The following RP1 variants were observed in gnomAD, a reference collection of about 807,000 sequenced individuals.
RP1 encodes oxygen-regulated protein 1.
A neutral mutation model predicts 14.8 loss-of-function variants in RP1; 16 were observed. The observed-to-expected ratio is 1.08, with a 90% CI of 0.73 to 1.65. RP1 has a LOEUF of 1.65. RP1 is among the 40% of genes most tolerant of loss of function. The probability of loss-of-function intolerance (pLI) is 0.00; values close to 1 mark genes in which losing one functional copy is unlikely to be tolerated. For synonymous variants in RP1, 876 were observed against 883.6 expected (o/e 0.99, Z 0.15); for missense variants, 2,631 against 2,535.0 (o/e 1.04, Z -0.81).
chr8:54,610,919 G>C (rs1805574802), intron 1 of RP1, among the ~76,000 whole-genome samples: 1 of 152,140 alleles, frequency 6.6e-6, no homozygotes, highest in South Asian at 2.1e-4. Context: ...TTGAGGAGCA[G>C]GTCTATTGGT....
intron 23 of RP1, among the ~76,000 whole-genome samples, chr8:54,776,461 A>G (rs142450866): frequency 7.8e-4 from 119 of 152,326 alleles, no homozygotes; most frequent in African/African-American, 2.7e-3. Context: ...GGGATTACAG[A>G]TGTGAGCTAC....
intron 24 of RP1, among the ~76,000 whole-genome samples, chr8:54,831,869 T>A (rs1443541988): frequency 1.3e-5 from 2 of 151,814 alleles, no homozygotes; most frequent in Admixed American, 6.6e-5. Flanking sequence ...TAGCTTTTTT[T>A]AATGAAAAGA....
At chr8:54,671,678 C>T (rs1807184672) in intron 7 of RP1, among the ~76,000 whole-genome samples, 1 of 151,924 alleles carries the variant, frequency 6.6e-6, no homozygotes, top group South Asian at 2.1e-4. Flanking sequence ...CTGTTTTGTT[C>T]TTTCTTATAG....
intron 24 of RP1, among the ~76,000 whole-genome samples, chr8:54,819,435 A>G (rs977890158): frequency 6.6e-6 from 1 of 152,082 alleles, no homozygotes; most frequent in Non-Finnish European, 1.5e-5. Context: ...GAAAGGTCAC[A>G]TATCTCTGTC....
intron 23 of RP1, among the ~76,000 whole-genome samples, chr8:54,777,102 A>T (rs1810061206): frequency 6.6e-6 from 1 of 152,230 alleles, no homozygotes; most frequent in South Asian, 2.1e-4. Context: ...AAATGTAGGT[A>T]ATAGTAGAAA....
upstream of RP1, among the ~76,000 whole-genome samples, chr8:54,613,900 T>C (rs567975871): frequency 2.6e-5 from 4 of 152,332 alleles, no homozygotes; most frequent in South Asian, 2.1e-4. Context: ...TTTTGAGGCA[T>C]GCTAGGGCAT....
chr8:54,772,364 T>TA (rs1183709739), downstream of RP1, among the ~76,000 whole-genome samples: 1 of 151,914 alleles, frequency 6.6e-6, no homozygotes, highest in Non-Finnish European at 1.5e-5. Flanking sequence ...AATTATATAA[T>TA]AAAAAATAAG....
chr8:54,840,421 T>A (rs897793894), intron 25 of RP1, among the ~76,000 whole-genome samples: 1 of 151,876 alleles, frequency 6.6e-6, no homozygotes, highest in Non-Finnish European at 1.5e-5. Context: ...CCTGGCTAAT[T>A]TTTGCATTTT....
chr8:54,829,004 C>T (rs961965598), intron 24 of RP1, among the ~76,000 whole-genome samples: 5 of 151,024 alleles, frequency 3.3e-5, no homozygotes, highest in African/African-American at 9.8e-5. Flanking sequence ...GCGATTCTCC[C>T]GCCTCAGCCT....
chr8:54,606,630 CAG>C (rs1234406488), intron 1 of RP1, among the ~76,000 whole-genome samples: 1 of 152,210 alleles, frequency 6.6e-6, no homozygotes, highest in Non-Finnish European at 1.5e-5. Flanking sequence ...TAATATCCTG[CAG>C]AGTGTTTTCC....
At chr8:54,864,595 T>C (rs1038740202) in intron 27 of RP1, among the ~76,000 whole-genome samples, 1 of 152,180 alleles carries the variant, frequency 6.6e-6, no homozygotes, top group African/African-American at 2.4e-5. Context: ...ATGGCTTGCA[T>C]AGTTTCAGCT....
intron 1 of RP1, among the ~76,000 whole-genome samples, chr8:54,619,141 C>T (rs1805797337): frequency 6.6e-6 from 1 of 152,204 alleles, no homozygotes; most frequent in Non-Finnish European, 1.5e-5. Flanking sequence ...ATGTCTGCTA[C>T]AGCTGCTATT....
intron 24 of RP1, among the ~76,000 whole-genome samples, chr8:54,812,067 T>C (rs1205410446): frequency 6.6e-6 from 1 of 152,258 alleles, no homozygotes; most frequent in Non-Finnish European, 1.5e-5. Flanking sequence ...ACAACCATAC[T>C]ATATCGAGAC....
At chr8:54,695,180 A>G (rs1807828046) in intron 12 of RP1, among the ~76,000 whole-genome samples, 1 of 152,112 alleles carries the variant, frequency 6.6e-6, no homozygotes, top group Admixed American at 6.6e-5. Context: ...CTGTGGTCTG[A>G]GAGACAGTTT....
chr8:54,641,691 T>C (rs1456630788), intron 3 of RP1, among the ~76,000 whole-genome samples: 1 of 152,178 alleles, frequency 6.6e-6, no homozygotes, highest in Admixed American at 6.5e-5. Flanking sequence ...GTGGTCTAAT[T>C]GATGCAAAAG....
At chr8:54,634,958 T>G (rs1255501220), downstream of RP1, among the ~76,000 whole-genome samples, 1 of 151,946 alleles carries the variant, frequency 6.6e-6, no homozygotes, top group Non-Finnish European at 1.5e-5. Context: ...GGTGGGCACC[T>G]GTAGTCCCAG....
At chr8:54,692,044 C>A (rs1010199393) in intron 12 of RP1, among the ~76,000 whole-genome samples, 1 of 151,868 alleles carries the variant, frequency 6.6e-6, no homozygotes, top group Non-Finnish European at 1.5e-5. Flanking sequence ...TCAATTCCCA[C>A]CTATGAGTGA....
intron 24 of RP1, among the ~76,000 whole-genome samples, chr8:54,832,518 A>G (rs1811556786): frequency 6.6e-6 from 1 of 151,670 alleles, no homozygotes; most frequent in African/African-American, 2.4e-5. Flanking sequence ...TTTACTCATT[A>G]TATTCCTCTT....
intron 3 of RP1, among the ~76,000 whole-genome samples, chr8:54,645,266 A>G (rs1054592297): frequency 2.6e-5 from 4 of 152,202 alleles, no homozygotes; most frequent in Admixed American, 1.3e-4. Context: ...TCGGGGATAT[A>G]TGGTAAGTTT....
Sources: gnomAD v4.1 joint callset for allele counts (sites outside exome capture counted in the v4.1 genomes callset) on GRCh38, gnomAD v4.1.1 for gene constraint, MANE v1.5 for transcripts, NCBI Gene and HGNC (gene_info 2026-07-23, HGNC 2026-07-21) for gene names.